PTER: variants seen among roughly 807,000 people sequenced by gnomAD.
PTER encodes the protein phosphotriesterase related, also known as N-acetyltaurine hydrolase.
In PTER, 38 loss-of-function variants were observed where a neutral mutation model predicts 29.6. That is an observed-to-expected ratio of 1.28 (90% confidence interval 0.99 to 1.68). The LOEUF is 1.68. Ranked by LOEUF, PTER falls within the 40% of genes most tolerant of loss-of-function variation. The pLI is 0.00. For missense variants in PTER, 482 were observed against 427.8 expected, an observed-to-expected ratio of 1.13 and a Z score of -1.12; for synonymous variants, 172 against 154.5, an observed-to-expected ratio of 1.11 and a Z score of -0.84.
intron 2 of PTER, among the ~76,000 whole-genome samples, chr10:16,485,765 A>G (rs1564401433): frequency 6.6e-6 from 1 of 152,158 alleles, no homozygotes; most frequent in Non-Finnish European, 1.5e-5. Context: ...TATGCTGTCT[A>G]TGATAAAAGA....
intron 1 of PTER, among the ~76,000 whole-genome samples, chr10:16,440,791 G>C (rs1833823142): frequency 6.6e-6 from 1 of 152,226 alleles, no homozygotes; most frequent in Non-Finnish European, 1.5e-5. Flanking sequence ...AGACGTATTC[G>C]ATGAGCTAGA....
At chr10:16,459,355 G>A (rs1335584442) in intron 1 of PTER, among the ~76,000 whole-genome samples, 2 of 152,146 alleles carry the variant, frequency 1.3e-5, no homozygotes, top group African/African-American at 2.4e-5. Context: ...TCAGTTACAG[G>A]GTGGGTCTAT....
Position 16,504,942 on chromosome 10 carries a change from T to C in PTER, c.699-78T>C, listed in dbSNP as rs1836500111. 18 of 1,505,450 alleles carry C rather than the reference T, an allele frequency of 1.2e-5. No individual in the cohort carries two copies. In the South Asian group the frequency reaches 1.9e-4, roughly 16 times the overall value. 93.3% of individuals were successfully genotyped at this position (1,505,450 alleles called of 1,614,324 possible). A position where few individuals can be genotyped will look rare whatever the true frequency, so the allele number is the denominator to read the frequency against. ...ACTATGTTCTTGTTCTTGTACATTG[T>C]GTGCTTAAAACTTCTAGTATGTACA... is the stretch of plus-strand genomic sequence containing the variant. On this transcript the variant is annotated intron_variant, in intron 3 of 4. Transcript: ENST00000535784.
chr10:16,498,656 G>A (rs555187110), intron 3 of PTER, among the ~76,000 whole-genome samples: 2 of 152,232 alleles, frequency 1.3e-5, no homozygotes, highest in Admixed American at 6.5e-5. Context: ...ACTGGCTGAG[G>A]TTAGCACCTC....
intron 1 of PTER, among the ~76,000 whole-genome samples, chr10:16,443,811 A>G (rs1833923033): frequency 6.6e-6 from 1 of 152,180 alleles, no homozygotes; most frequent in African/African-American, 2.4e-5. Context: ...GAGTCCATGT[A>G]CTTACGTGTA....
At chr10:16,472,576 A>T (rs967048598) in intron 1 of PTER, among the ~76,000 whole-genome samples, 4 of 152,154 alleles carry the variant, frequency 2.6e-5, no homozygotes, top group Non-Finnish European at 2.9e-5. Context: ...GCCATATGGA[A>T]TTGTGAGTCC....
downstream of PTER, chr10:16,514,828 T>C (rs537088179): frequency 2.8e-6 from 2 of 705,310 alleles, no homozygotes; most frequent in East Asian, 5.4e-5. Flanking sequence ...CATAGCAAAG[T>C]CCATGTTGAC....
chr10:16,486,737 A>C, intron 3 of PTER, 120 bp downstream of exon 3: 3 of 1,112,714 alleles, frequency 2.7e-6, no homozygotes, highest in Non-Finnish European at 3.8e-6. Flanking sequence ...CACTAACTAT[A>C]TGGAAGGTAG....
intron 1 of PTER, among the ~76,000 whole-genome samples, chr10:16,458,689 C>T (rs1469723906): frequency 6.6e-6 from 1 of 152,224 alleles, no homozygotes; most frequent in East Asian, 1.9e-4. Context: ...TATCTAGAAA[C>T]CATTTGCAAC....
At chr10:16,497,446 C>G (rs998853966) in intron 3 of PTER, among the ~76,000 whole-genome samples, 2 of 152,172 alleles carry the variant, frequency 1.3e-5, no homozygotes, top group African/African-American at 4.8e-5. Flanking sequence ...ACTTTAATTT[C>G]CTTGAGACAG....
intron 3 of PTER, chr10:16,486,862 A>G: frequency 9.3e-6 from 4 of 432,238 alleles, no homozygotes; most frequent in Middle Eastern, 6.4e-4. Flanking sequence ...CGCATAAGTC[A>G]TTTCCTTTAA....
intron 1 of PTER, among the ~76,000 whole-genome samples, chr10:16,450,617 C>T (rs980258955): frequency 3.3e-5 from 5 of 152,164 alleles, no homozygotes; most frequent in African/African-American, 1.2e-4. Context: ...ATGATAAAAG[C>T]TTGTGTCTGA....
chr10:16,490,141 T>C (rs967652896), intron 3 of PTER, among the ~76,000 whole-genome samples: 1 of 152,204 alleles, frequency 6.6e-6, no homozygotes, highest in South Asian at 2.1e-4. Context: ...TACATTAGCC[T>C]ATACTTCCGC....
chr10:16,448,847 G>A (rs1834105030), intron 1 of PTER, among the ~76,000 whole-genome samples: 1 of 152,234 alleles, frequency 6.6e-6, no homozygotes, highest in Non-Finnish European at 1.5e-5. Context: ...ATTGCTTCTG[G>A]TGTGCCTTAT....
chr10:16,496,933 A>AT (rs57514349), intron 3 of PTER, among the ~76,000 whole-genome samples: 5,972 of 131,998 alleles, frequency 0.045, 395 homozygotes, highest in African/African-American at 0.14. Context: ...GGTTCTCTGG[A>AT]TTTTTTTTTT....
intron 1 of PTER, among the ~76,000 whole-genome samples, chr10:16,478,879 C>A (rs1157053384): frequency 6.6e-6 from 1 of 152,014 alleles, no homozygotes; most frequent in Non-Finnish European, 1.5e-5. Flanking sequence ...ATTTACTTAC[C>A]AGTTTAAGAT....
intron 3 of PTER, among the ~76,000 whole-genome samples, chr10:16,488,603 GGAGAGA>G (rs35122897): frequency 0.018 from 2,377 of 133,990 alleles, 59 homozygotes; most frequent in African/African-American, 0.06. Flanking sequence ...ATATATATAT[GGAGAGA>G]GAGAGAGAGA....
At chr10:16,440,209 G>T (rs1320657873) in intron 1 of PTER, among the ~76,000 whole-genome samples, 1 of 151,706 alleles carries the variant, frequency 6.6e-6, no homozygotes, top group Non-Finnish European at 1.5e-5. Context: ...GGAAATATAG[G>T]CATGCACCAC....
At chr10:16,493,343 T>C (rs1344625579) in intron 3 of PTER, among the ~76,000 whole-genome samples, 3 of 152,200 alleles carry the variant, frequency 2.0e-5, no homozygotes, top group African/African-American at 4.8e-5. Flanking sequence ...TTGAGAATAA[T>C]TGGAATGCTA....
Sources: allele counts gnomAD v4.1 joint callset (sites outside exome capture counted in the v4.1 genomes callset), GRCh38; gene constraint gnomAD v4.1.1; transcripts MANE v1.5; gene names NCBI Gene and HGNC (gene_info 2026-07-23, HGNC 2026-07-21).